SIM2: variants seen among roughly 807,000 people sequenced by gnomAD.
The protein encoded by SIM2 is single-minded homolog 2.
A neutral mutation model predicts 64.8 loss-of-function variants in SIM2; 28 were observed. The ratio of observed to expected loss-of-function variants is 0.43; its 90% CI spans 0.32 to 0.59. The LOEUF (loss-of-function observed/expected upper bound fraction) is 0.59. SIM2 is among the 20% of genes least tolerant of loss of function. The pLI is 0.07. For missense variants in SIM2, 847 were observed against 871.4 expected (o/e 0.97, Z 0.35); for synonymous variants, 408 against 391.1 (o/e 1.04, Z -0.51).
rs1282176012 is a variant in SIM2, at chr21:36,726,272, A to C, written c.697A>C (p.Met233Leu). ...TEIKLYSNMF[M>L]FRASLDLKLI... is the part of the protein sequence containing the mutation. ...GATCAAGCTGTACAGTAACATGTTC[A>C]TGTTCAGGGCCAGCCTTGACCTGAA... Residue 233 changes from methionine to leucine, a missense_variant, in exon 6 of 11, where the codon ATG becomes CTG. Physicochemically the swap from Met to Leu is conservative, Grantham distance 15. Coordinates refer to ENST00000290399, the MANE Select transcript of SIM2 (RefSeq NM_005069.6). This position sits in a 1 kb window ranked among gnomAD's most constrained non-coding sequence, Gnocchi z 4.5. 2 of 1,613,648 alleles carry C rather than the reference A, an allele frequency of 1.2e-6. No individual in the cohort carries two copies. The highest frequency in any genetic ancestry group is 2.7e-5 in the African/African-American group (2 of 74,926).
Position 36,747,846 on chromosome 21 carries a change from CG to C in SIM2, c.1759del (p.Glu587ArgfsTer119). On this transcript the variant is annotated frameshift_variant, in exon 11 of 11. Coordinates refer to ENST00000290399, the MANE Select transcript of SIM2 (RefSeq NM_005069.6). LOFTEE classifies it high-confidence loss of function. The surrounding 1 kb of genome is among the most constrained non-coding windows in gnomAD (Gnocchi z 4.5). ...APECCAPPTPEAPGAPAQLPF... is the reference protein window; with the variant it reads ...APECCAPPTPXAPGAPAQLPF... Reference sequence around the variant, plus strand: ...CCGAGTGCTGCGCGCCCCCGACCCCCGAGGCCCCGGGCGCGCCGGCGCAGCT... The same window carrying C: ...CCGAGTGCTGCGCGCCCCCGACCCCCAGGCCCCGGGCGCGCCGGCGCAGCT... 1 of 1,038,722 alleles carries C rather than the reference CG, an allele frequency of 9.6e-7. No homozygotes were observed. The highest frequency in any genetic ancestry group is 1.2e-6 in the Non-Finnish European group (1 of 863,690). 64.3% of individuals were successfully genotyped at this position (1,038,722 alleles called of 1,614,324 possible). A position where few individuals can be genotyped will look rare whatever the true frequency, so the allele number is the denominator to read the frequency against.
At position 36,727,715 on chromosome 21, in the gene SIM2, G is replaced by A. The variant is rs187513985; in HGVS notation, c.743+1397G>A. Among the ~76,000 whole-genome samples the A allele has an allele frequency of 5.3e-5, 8 of 152,264 alleles. No homozygotes were observed. The East Asian group carries it at 5.8e-4, about 11-fold the overall frequency. On this transcript the variant is annotated intron_variant, in intron 6 of 10. Coordinates refer to ENST00000290399, the MANE Select transcript of SIM2 (RefSeq NM_005069.6). ...TGTGTGTGTGCGATGAGTCTTTGGC[G>A]GGGGGAGGAGAGATACATTTTGCTT...
Position 36,725,827 on chromosome 21 carries a change from C to T in SIM2, c.544-292C>T, listed in dbSNP as rs1369278682. Among the ~76,000 whole-genome samples the T allele has an allele frequency of 8.5e-5, 13 of 152,254 alleles. No individual in the cohort carries two copies. In the South Asian group the frequency reaches 1.2e-3, roughly 15 times the overall value. On this transcript the variant is annotated intron_variant, in intron 5 of 10. Transcript: ENST00000290399. ...GTAGAGAAGGGGTTTCGCCATGTCA[C>T]CAAGGCTGGTCTCGAACTCCTGGAC...
In SIM2 at chr21:36,745,029, A is replaced by G; in HGVS notation, c.1469A>G (p.Gln490Arg). The change falls in exon 10 of 11, where the codon CAG (glutamine) becomes CGG (arginine). Residue 490 changes from glutamine to arginine, a missense_variant. Gln to Arg is a conservative substitution (Grantham distance 43). Around this residue, in one of 3 missense-constraint regions of SIM2, gnomAD observed 447 missense variants for 414.6 expected, o/e 1.08. Coordinates refer to ENST00000290399, the MANE Select transcript of SIM2 (RefSeq NM_005069.6). The surrounding 1 kb of genome is among the most constrained non-coding windows in gnomAD (Gnocchi z 4.8). ...LSTLPASGEC[Q>R]WHYANPLVPS... The stretch of plus-strand genomic sequence containing the variant: ...ACACTGCCAGCCAGCGGTGAATGCC[A>G]GTGGCATTATGCCAACCCCCTAGTG... 6.2e-7 allele frequency: 1 copy of G among 1,614,222 alleles called. No individual in the cohort carries two copies. The highest frequency in any genetic ancestry group is 8.5e-7 in the Non-Finnish European group (1 of 1,180,034).
chr21:36,719,015 A>G (rs2123448857), intron 3 of SIM2, among the ~76,000 whole-genome samples: 1 of 152,348 alleles, frequency 6.6e-6, no homozygotes, highest in South Asian at 2.1e-4. Flanking sequence ...GCAAAGTGAC[A>G]TGGATGTGCT....
chr21:36,705,436 G>A (rs1049396573), intron 1 of SIM2, among the ~76,000 whole-genome samples: 1 of 152,260 alleles, frequency 6.6e-6, no homozygotes, highest in African/African-American at 2.4e-5. Context: ...CCCCTGGGGC[G>A]GGTGGTAATT....
intron 3 of SIM2, among the ~76,000 whole-genome samples, chr21:36,715,996 G>T (rs1341630985): frequency 6.6e-6 from 1 of 152,132 alleles, no homozygotes; most frequent in Admixed American, 6.5e-5. Context: ...AATGCCAGTT[G>T]TCTCCTCAGC....
At chr21:36,735,157 C>G (rs1267453726) in intron 7 of SIM2, among the ~76,000 whole-genome samples, 1 of 152,184 alleles carries the variant, frequency 6.6e-6, no homozygotes, top group African/African-American at 2.4e-5. Context: ...GCCTGTCAGT[C>G]AGTAGCTGGA....
chr21:36,720,070 C>T, intron 4 of SIM2, 141 bp downstream of exon 4: 1 of 624,660 alleles, frequency 1.6e-6, no homozygotes, highest in Non-Finnish European at 2.9e-6. Flanking sequence ...CCAATACACA[C>T]ACAGCACCCA....
At position 36,747,155 on chromosome 21, in the gene SIM2, C is replaced by T. The variant is rs1412656180; in HGVS notation, c.1577-510C>T. Among the ~76,000 whole-genome samples the T allele has an allele frequency of 6.6e-6, 1 of 151,932 alleles. No homozygotes were observed. The highest frequency in any genetic ancestry group is 2.4e-5 in the African/African-American group (1 of 41,330). On this transcript the variant is annotated intron_variant, in intron 10 of 10. Transcript: ENST00000290399. This position sits in a 1 kb window ranked among gnomAD's most constrained non-coding sequence, Gnocchi z 4.5. ...ACGGCGAAACCGATCGGGGTGGTTA[C>T]CACCCCTCTCCACTAAGGGACGGGC...
At chr21:36,742,674 C>A (rs1049639945) in intron 8 of SIM2, among the ~76,000 whole-genome samples, 10 of 152,104 alleles carry the variant, frequency 6.6e-5, no homozygotes, top group Non-Finnish European at 1.3e-4. Context: ...AGGCTGTGAC[C>A]CTTGCCATGC....
At chr21:36,712,954 G>A (rs1439816190) in intron 3 of SIM2, among the ~76,000 whole-genome samples, 1 of 152,192 alleles carries the variant, frequency 6.6e-6, no homozygotes, top group Admixed American at 6.5e-5. Context: ...AAAGGGACAT[G>A]TTTCAGTCCA....
At position 36,745,134 on chromosome 21, in the gene SIM2, A is replaced by G; in HGVS notation, c.1574A>G (p.Glu525Gly). The G allele has an allele frequency of 6.2e-7, 1 of 1,608,482 alleles. No homozygotes were observed. Among genetic ancestry groups the G allele is most frequent in the Non-Finnish European group, 8.5e-7 (1 of 1,177,006 alleles). Residue 525 changes from glutamate to glycine, a missense_variant and splice_region_variant, in exon 10 of 11, where the codon GAA (glutamate) becomes GGA (glycine). By Grantham distance (98) the Glu-to-Gly change is moderately conservative. This residue lies in a region of SIM2 where 447 missense variants were observed against 414.6 expected (regional missense o/e 1.08). Coordinates refer to ENST00000290399, the MANE Select transcript of SIM2 (RefSeq NM_005069.6). The surrounding 1 kb of genome is among the most constrained non-coding windows in gnomAD (Gnocchi z 4.8). ...TARHSLVPSY[E>G]APAAAVRRFG... ...AGGCACAGCCTGGTGCCAAGCTACG[A>G]AGGTGGGTCAGGTCTGCTCGTGGGG... is the stretch of plus-strand genomic sequence containing the variant.
intron 1 of SIM2, among the ~76,000 whole-genome samples, chr21:36,707,312 C>T (rs1304695336): frequency 6.6e-6 from 1 of 152,330 alleles, no homozygotes; most frequent in Non-Finnish European, 1.5e-5. Context: ...AATGCTGCCG[C>T]CACGAGGCCT....
chr21:36,738,844 G>C (rs1357250246), intron 7 of SIM2, among the ~76,000 whole-genome samples: 1 of 152,266 alleles, frequency 6.6e-6, no homozygotes, highest in Non-Finnish European at 1.5e-5. Context: ...CTTGAGCAGT[G>C]ATCTGAGTCG....
chr21:36,717,361 A>G (rs1333617903), intron 3 of SIM2, among the ~76,000 whole-genome samples: 2 of 152,166 alleles, frequency 1.3e-5, no homozygotes, highest in Non-Finnish European at 2.9e-5. Flanking sequence ...AGGCCAATAT[A>G]ACATTTCTCT....
chr21:36,737,748 T>A (rs1056028691), intron 7 of SIM2, among the ~76,000 whole-genome samples: 1 of 150,814 alleles, frequency 6.6e-6, no homozygotes, highest in Non-Finnish European at 1.5e-5. Context: ...TCACTTGGGG[T>A]CAGGAGTTTG....
At position 36,748,033 on chromosome 21, in the gene SIM2, C is replaced by A; in HGVS notation, c.1945C>A (p.Pro649Thr). The change falls in exon 11 of 11, where the codon CCC becomes ACC. Residue 649 changes from proline (P) to threonine (T), a missense_variant. Physicochemically the swap from Pro to Thr is conservative, Grantham distance 38. Coordinates refer to ENST00000290399, the MANE Select transcript of SIM2 (RefSeq NM_005069.6). ...CCCGAGCCCCGCCGCCACCTCCCCGCCCGGCGCGCCCCTGCCGCACTACCT... is the reference window on the plus strand; with the variant it reads ...CCCGAGCCCCGCCGCCACCTCCCCGACCGGCGCGCCCCTGCCGCACTACCT... ...RHPSPAATSPPGAPLPHYLGA... is the reference protein window; with the variant it reads ...RHPSPAATSPTGAPLPHYLGA... 1 of 1,189,880 alleles carries A rather than the reference C, an allele frequency of 8.4e-7. No homozygotes were observed. The highest frequency in any genetic ancestry group is 4.5e-5 in the Admixed American group (1 of 22,040). 73.7% of individuals were successfully genotyped at this position (1,189,880 alleles called of 1,614,324 possible).
In SIM2 at chr21:36,748,111, C is replaced by G; in HGVS notation, c.*19C>G. The G allele has an allele frequency of 8.4e-7, 1 of 1,193,970 alleles. No homozygotes were observed. The highest frequency in any genetic ancestry group is 1.0e-6 in the Non-Finnish European group (1 of 962,886). 74.0% of individuals were successfully genotyped at this position (1,193,970 alleles called of 1,614,324 possible). A position where few individuals can be genotyped will look rare whatever the true frequency, so the allele number is the denominator to read the frequency against. ...GAGGTGACCCGCTGGCCGCCCGCGC[C>G]AGGAGCCTGGACCCGGCCTCCCGGG... On this transcript the variant is annotated 3_prime_UTR_variant, in exon 11 of 11. Transcript: ENST00000290399.
Sources: gnomAD v4.1 joint callset for allele counts (sites outside exome capture counted in the v4.1 genomes callset) on GRCh38, gnomAD v4.1.1 for gene constraint, gnomAD v4.1.1 regional missense constraint, Gnocchi (gnomAD v3.1) non-coding constraint, MANE v1.5 for transcripts, NCBI Gene and HGNC (gene_info 2026-07-23, HGNC 2026-07-21) for gene names.